IDE: variants seen among roughly 807,000 people sequenced by gnomAD.
IDE encodes the protein insulin degrading enzyme.
A neutral mutation model predicts 133.2 loss-of-function variants in IDE; 58 were observed. That is an observed-to-expected ratio of 0.44 (90% CI 0.35 to 0.54). The LOEUF (loss-of-function observed/expected upper bound fraction) is 0.54. Ranked by LOEUF, IDE falls within the 20% of genes least tolerant of loss-of-function variation. The pLI, the probability that IDE is intolerant of heterozygous loss-of-function variation, is 0.00. For synonymous variants in IDE, 396 were observed against 421.3 expected (o/e 0.94, Z 0.73); for missense variants, 981 against 1,234.0 (o/e 0.79, Z 3.07).
At chr10:92,530,095 G>A (rs112869453) in intron 4 of IDE, among the ~76,000 whole-genome samples, 144 of 152,058 alleles carry the variant, frequency 9.5e-4, no homozygotes, top group African/African-American at 3.0e-3. Flanking sequence ...GCATGGTGGC[G>A]GGCGCCTGTA....
In IDE at chr10:92,497,003, C is replaced by A. The variant is rs1847745980; in HGVS notation, c.1431-6408G>T. On this transcript the variant is annotated intron_variant, in intron 11 of 24. Coordinates refer to ENST00000265986, the MANE Select transcript of IDE (RefSeq NM_004969.4). ...AGGAGTGAAGCCTGAACACCATAAG[C>A]CAGTAAATTAGGAATTGATCCCTGA... Among the ~76,000 whole-genome samples the A allele has an allele frequency of 3.3e-5, 5 of 152,126 alleles. No individual in the cohort carries two copies. In the South Asian group the frequency reaches 1.0e-3, roughly 32 times the overall value.
chr10:92,549,235 C>A (rs897713508), intron 1 of IDE, among the ~76,000 whole-genome samples: 1 of 149,828 alleles, frequency 6.7e-6, no homozygotes, highest in Non-Finnish European at 1.5e-5. Context: ...CCAGCCTGGG[C>A]AACAGAGTGA....
intron 4 of IDE, among the ~76,000 whole-genome samples, chr10:92,515,395 G>T (rs569452782): frequency 8.9e-4 from 130 of 146,646 alleles, no homozygotes; most frequent in Non-Finnish European, 1.6e-3. Context: ...AAGTAGCTGG[G>T]ACTACAGGCG....
At chr10:92,539,938 G>A (rs1842214148) in intron 1 of IDE, among the ~76,000 whole-genome samples, 3 of 151,906 alleles carry the variant, frequency 2.0e-5, no homozygotes, top group Admixed American at 6.6e-5. Flanking sequence ...AGGGGTACAA[G>A]GAACCTCAGA....
intron 4 of IDE, among the ~76,000 whole-genome samples, chr10:92,524,327 AT>A (rs1427764872): frequency 2.7e-5 from 2 of 73,690 alleles, no homozygotes; most frequent in East Asian, 7.4e-4. Context: ...ATAATATATT[AT>A]TATATATATT....
intron 11 of IDE, chr10:92,497,762 G>A: frequency 1.0e-6 from 1 of 954,098 alleles, no homozygotes; most frequent in Non-Finnish European, 1.2e-6. Context: ...AGTTACAACT[G>A]TTAACAGTCA....
chr10:92,533,004 T>A (rs560719664), intron 3 of IDE, among the ~76,000 whole-genome samples: 1 of 152,354 alleles, frequency 6.6e-6, no homozygotes, highest in South Asian at 2.1e-4. Flanking sequence ...TAATCAAAGA[T>A]GTATGAAAAC....
intron 12 of IDE, among the ~76,000 whole-genome samples, chr10:92,487,578 C>A (rs1171863584): frequency 2.0e-5 from 3 of 152,168 alleles, no homozygotes; most frequent in Admixed American, 6.5e-5. Flanking sequence ...AGCTGAGGAA[C>A]AATTGAGACT....
chr10:92,544,001 G>A (rs1842423017), intron 1 of IDE, among the ~76,000 whole-genome samples: 1 of 152,202 alleles, frequency 6.6e-6, no homozygotes, highest in African/African-American at 2.4e-5. Flanking sequence ...GGGAGGCCGA[G>A]GTGGGCAGAT....
intron 1 of IDE, among the ~76,000 whole-genome samples, chr10:92,567,734 G>A (rs1360071895): frequency 1.3e-5 from 2 of 152,114 alleles, no homozygotes; most frequent in African/African-American, 4.8e-5. Context: ...AGCACTTTGG[G>A]AGGCAGAGGC....
chr10:92,494,579 T>A (rs1293483311), intron 11 of IDE, among the ~76,000 whole-genome samples: 1 of 151,912 alleles, frequency 6.6e-6, no homozygotes, highest in Non-Finnish European at 1.5e-5. Context: ...CTGTCTCTAT[T>A]TAAAGAAAAA....
At chr10:92,537,045 A>G (rs889720047) in intron 2 of IDE, among the ~76,000 whole-genome samples, 1 of 152,086 alleles carries the variant, frequency 6.6e-6, no homozygotes, top group Non-Finnish European at 1.5e-5. Context: ...CAAAAAAAAA[A>G]AAAGAAAAAG....
intron 13 of IDE, among the ~76,000 whole-genome samples, chr10:92,483,722 T>C (rs1157120545): frequency 6.6e-6 from 1 of 152,174 alleles, no homozygotes; most frequent in East Asian, 1.9e-4. Flanking sequence ...CAACAATCCT[T>C]GCCTGCTGAG....
At chr10:92,456,860 A>G (rs1845050465) in intron 22 of IDE, among the ~76,000 whole-genome samples, 5 of 149,990 alleles carry the variant, frequency 3.3e-5, no homozygotes. Flanking sequence ...AAAAAAAAAA[A>G]AAAAAAAAAA....
At chr10:92,573,084 AG>A (rs1843867670) in intron 1 of IDE, 1 of 985,304 alleles carries the variant, frequency 1.0e-6, no homozygotes. Context: ...GTTTCTAGGG[AG>A]GGCAAGATAA....
chr10:92,520,440 T>C (rs1193159681), intron 4 of IDE, among the ~76,000 whole-genome samples: 2 of 152,162 alleles, frequency 1.3e-5, no homozygotes, highest in Non-Finnish European at 2.9e-5. Context: ...AGAAACGTCT[T>C]AGAAACCACA....
chr10:92,542,648 C>T lies in IDE; in HGVS notation c.99-5098G>A, dbSNP rs80072664. Reference sequence around the variant, plus strand: ...TTTCCCTGGGGCACTATGGGAGTAACCCTGTCTAGGAGGGGGAGTAGAAGC... The same window carrying T: ...TTTCCCTGGGGCACTATGGGAGTAATCCTGTCTAGGAGGGGGAGTAGAAGC... On this transcript the variant is annotated intron_variant, in intron 1 of 24. Coordinates refer to ENST00000265986, the MANE Select transcript of IDE (RefSeq NM_004969.4). Among the ~76,000 whole-genome samples, 223 of 152,258 alleles carry T rather than the reference C, an allele frequency of 1.5e-3. 1 individual carries two copies. The highest frequency in any genetic ancestry group is 6.8e-3 in the Middle Eastern group (2 of 294).
chr10:92,560,473 A>C (rs1262191310), intron 1 of IDE, among the ~76,000 whole-genome samples: 3 of 152,156 alleles, frequency 2.0e-5, no homozygotes, highest in African/African-American at 7.2e-5. Flanking sequence ...GAGCAACTCA[A>C]GAGATGCCTC....
At chr10:92,521,057 A>G (rs776517013) in intron 4 of IDE, among the ~76,000 whole-genome samples, 1 of 152,236 alleles carries the variant, frequency 6.6e-6, no homozygotes, top group Non-Finnish European at 1.5e-5. Context: ...GGAATGGAAT[A>G]AAAGCATTTA....
Sources: allele counts gnomAD v4.1 joint callset (sites outside exome capture counted in the v4.1 genomes callset), GRCh38; gene constraint gnomAD v4.1.1; transcripts MANE v1.5; gene names NCBI Gene and HGNC (gene_info 2026-07-23, HGNC 2026-07-21).